Variants in MAP2K4 observed in about 807,000 individuals in gnomAD.
The protein encoded by MAP2K4 is mitogen-activated protein kinase kinase 4.
Under a neutral mutation model 48.5 loss-of-function variants are expected in MAP2K4, and 4 were observed. That is an observed-to-expected ratio of 0.08 (90% CI 0.04 to 0.19). The LOEUF is 0.19. Among genes scored for constraint, MAP2K4 ranks in the 10% least tolerant of loss-of-function variants. MAP2K4 has a pLI of 1.00. For synonymous variants in MAP2K4, 166 were observed against 173.1 expected, an observed-to-expected ratio of 0.96 and a Z score of 0.32; for missense variants, 258 against 493.3, an observed-to-expected ratio of 0.52 and a Z score of 4.52.
chr17:12,113,202 T>C (rs745350969), intron 6 of MAP2K4, 31 bp from the exon 7 acceptor site: 1 of 1,604,230 alleles, frequency 6.2e-7, no homozygotes, highest in Non-Finnish European at 8.5e-7. Context: ...AAGAAGCTAA[T>C]TGTATACTGA....
chr17:12,140,021 T>G (rs990031105), intron 10 of MAP2K4, 137 bp downstream of exon 10: 2 of 549,002 alleles, frequency 3.6e-6, no homozygotes, highest in African/African-American at 3.9e-5. Context: ...TTGTTAATGT[T>G]TTTACACAAA....
At chr17:12,072,777 A>G (rs1369445968) in intron 2 of MAP2K4, among the ~76,000 whole-genome samples, 2 of 152,222 alleles carry the variant, frequency 1.3e-5, no homozygotes, top group Non-Finnish European at 2.9e-5. Context: ...GTGTCTATAC[A>G]TAAAATTTAT....
chr17:12,106,245 TAAAG>T (rs1225594772), intron 4 of MAP2K4, among the ~76,000 whole-genome samples: 2 of 152,170 alleles, frequency 1.3e-5, no homozygotes, highest in Non-Finnish European at 2.9e-5. Flanking sequence ...GTCTCTAAAA[TAAAG>T]CTGTGTCTGT....
intron 9 of MAP2K4, among the ~76,000 whole-genome samples, chr17:12,134,256 A>T (rs1051199522): frequency 7.9e-5 from 12 of 152,242 alleles, no homozygotes; most frequent in Admixed American, 7.9e-4. Context: ...AAGAAAAATC[A>T]CTAACAGATG....
chr17:12,072,019 A>G (rs1366289771), intron 2 of MAP2K4, among the ~76,000 whole-genome samples: 3 of 152,236 alleles, frequency 2.0e-5, no homozygotes, highest in Non-Finnish European at 4.4e-5. Flanking sequence ...GTGAAGAATC[A>G]AATAGTAGGC....
intron 7 of MAP2K4, 198 bp from the exon 8 acceptor site, chr17:12,125,096 T>C: frequency 1.8e-6 from 1 of 569,002 alleles, no homozygotes; most frequent in South Asian, 2.2e-5. Context: ...TAGTGTTCTC[T>C]TTATGGAAGT....
At chr17:12,073,804 G>A (rs1325141291) in intron 2 of MAP2K4, among the ~76,000 whole-genome samples, 3 of 137,398 alleles carry the variant, frequency 2.2e-5, no homozygotes, top group African/African-American at 5.4e-5. Flanking sequence ...ACGGAGTCTC[G>A]TACTGTTGCC....
At chr17:12,067,382 G>A (rs894814429) in intron 2 of MAP2K4, among the ~76,000 whole-genome samples, 1 of 152,068 alleles carries the variant, frequency 6.6e-6, no homozygotes, top group African/African-American at 2.4e-5. Context: ...TGTTACTGTT[G>A]AGATACTAGA....
chr17:12,091,063 C>T (rs1023521773), intron 3 of MAP2K4, among the ~76,000 whole-genome samples: 2 of 152,148 alleles, frequency 1.3e-5, no homozygotes, highest in Admixed American at 6.5e-5. Flanking sequence ...AGAGAGAGCT[C>T]CCCTGGAGAT....
rs1283989333 is a variant in MAP2K4, at chr17:12,081,543, A to G, written c.393+13A>G. 1.2e-6 allele frequency: 2 copies of G among 1,612,856 alleles called. No homozygotes were observed. Among genetic ancestry groups the G allele is most frequent in the South Asian group, 1.1e-5 (1 of 90,888 alleles). ...AATGGCAGTTAAAGTAGGTGATGCC[A>G]TGATTATTTTTGGTACTTTAATCCA... On this transcript the variant is annotated intron_variant, in intron 3 of 10. Transcript: ENST00000353533. The surrounding 1 kb of genome is among the most constrained non-coding windows in gnomAD (Gnocchi z 4.2).
chr17:12,137,893 TTTTAAATTTATATTTAAATTTACC>T (rs745401335), intron 9 of MAP2K4, among the ~76,000 whole-genome samples: 17 of 152,134 alleles, frequency 1.1e-4, no homozygotes, highest in East Asian at 7.7e-4. Flanking sequence ...TAAATTTACC[TTTTAAATTTATATTTAAATTTACC>T]TTTAAATTTA....
intron 7 of MAP2K4, among the ~76,000 whole-genome samples, chr17:12,123,716 GA>G (rs1169934714): frequency 1.3e-5 from 2 of 151,958 alleles, no homozygotes; most frequent in Non-Finnish European, 2.9e-5. Flanking sequence ...CAAATTTTGG[GA>G]AGTTGTAATT....
intron 2 of MAP2K4, among the ~76,000 whole-genome samples, chr17:12,071,255 GTA>G (rs2151539877): frequency 6.6e-6 from 1 of 152,274 alleles, no homozygotes; most frequent in African/African-American, 2.4e-5. Context: ...GGTGGGTGGT[GTA>G]TAGTTCACCC....
At chr17:12,044,815 TC>T (rs1317759324) in intron 1 of MAP2K4, among the ~76,000 whole-genome samples, 3 of 152,224 alleles carry the variant, frequency 2.0e-5, no homozygotes, top group African/African-American at 7.2e-5. Flanking sequence ...ACTGTCCGGC[TC>T]CCAGTTGGGT....
intron 1 of MAP2K4, among the ~76,000 whole-genome samples, chr17:12,028,145 A>G (rs1177699471): frequency 6.6e-6 from 1 of 152,232 alleles, no homozygotes; most frequent in Non-Finnish European, 1.5e-5. Flanking sequence ...ATTGTAAGTT[A>G]CTGTCTCAGT....
At chr17:12,084,999 C>G (rs989496353) in intron 3 of MAP2K4, among the ~76,000 whole-genome samples, 6 of 152,172 alleles carry the variant, frequency 3.9e-5, no homozygotes, top group African/African-American at 1.4e-4. Context: ...GGAAGAATGA[C>G]TGTAAGCCTC....
chr17:12,138,376 A>G (rs899469396), intron 9 of MAP2K4, among the ~76,000 whole-genome samples: 1 of 152,190 alleles, frequency 6.6e-6, no homozygotes, highest in Non-Finnish European at 1.5e-5. Context: ...TATGTATTAT[A>G]TACTGTATTA....
intron 7 of MAP2K4, among the ~76,000 whole-genome samples, chr17:12,116,190 T>C (rs1392069559): frequency 4.6e-5 from 7 of 152,184 alleles, no homozygotes; most frequent in Admixed American, 4.6e-4. Flanking sequence ...TCAAATACAC[T>C]AATTTTCCAT....
chr17:12,091,331 T>C (rs1971556715), intron 3 of MAP2K4, among the ~76,000 whole-genome samples: 1 of 152,216 alleles, frequency 6.6e-6, no homozygotes, highest in South Asian at 2.1e-4. Flanking sequence ...GGGACATTTC[T>C]ATATGATTGG....
Sources: gnomAD v4.1 joint callset for allele counts (sites outside exome capture counted in the v4.1 genomes callset) on GRCh38, gnomAD v4.1.1 for gene constraint, Gnocchi (gnomAD v3.1) non-coding constraint, MANE v1.5 for transcripts, NCBI Gene and HGNC (gene_info 2026-07-23, HGNC 2026-07-21) for gene names.